The following PSMD5 variants were observed in gnomAD, a reference collection of about 807,000 sequenced individuals.
The protein encoded by PSMD5 is 26S proteasome non-ATPase regulatory subunit 5.
PSMD5 carries 40 observed loss-of-function variants against 52.1 expected under a neutral mutation model. That is an observed-to-expected ratio of 0.77 (90% CI 0.60 to 1.00). The LOEUF is 1.00. PSMD5 is among the 50% of genes least tolerant of loss of function. The pLI is 0.00. For missense variants in PSMD5, 575 were observed against 605.2 expected (o/e 0.95, Z 0.52); for synonymous variants, 211 against 226.6 (o/e 0.93, Z 0.62).
intron 6 of PSMD5, 59 bp downstream of exon 6, chr9:120,826,706 A>G (rs891500278): frequency 4.1e-5 from 63 of 1,551,776 alleles, no homozygotes; most frequent in Non-Finnish European, 4.7e-5. Flanking sequence ...CCCTGATGTC[A>G]GAGATAACTC....
At chr9:120,821,077 C>T in intron 8 of PSMD5, 98 bp from the exon 9 acceptor site, 1 of 1,319,544 alleles carries the variant, frequency 7.6e-7, no homozygotes, top group Non-Finnish European at 1.0e-6. Context: ...GGCACTCTGT[C>T]ATTAATTTGT....
In PSMD5 at chr9:120,816,632, A is replaced by G. The variant is rs2045044522; in HGVS notation, c.*1274T>C. The stretch of plus-strand genomic sequence containing the variant: ...GTTACAAAGCAGGGGTGGTTTATCA[A>G]CTTCACCACGGCCTAAAAGAAATAT... On this transcript the variant is annotated 3_prime_UTR_variant, in exon 10 of 10. Transcript: ENST00000210313. 1 of 152,216 alleles carries G rather than the reference A, an allele frequency of 6.6e-6. No individual in the cohort carries two copies. The highest frequency in any genetic ancestry group is 1.5e-5 in the Non-Finnish European group (1 of 68,038). The allele number at this position is 152,216 out of a possible 1,614,324, so 9.4% of individuals were successfully genotyped here. A position where few individuals can be genotyped will look rare whatever the true frequency, so the allele number is the denominator to read the frequency against.
rs2045059369 is a variant in PSMD5, at chr9:120,818,273, C to G, written c.1258-110G>C. On this transcript the variant is annotated intron_variant, in intron 9 of 9. Coordinates refer to ENST00000210313, the MANE Select transcript of PSMD5 (RefSeq NM_005047.4). ...GGCAACATGAACTTTAAAAATGTTACCTTTTGTCTAAGTAAATTCCTTCCT... is the reference window on the plus strand; with the variant it reads ...GGCAACATGAACTTTAAAAATGTTAGCTTTTGTCTAAGTAAATTCCTTCCT... The G allele has an allele frequency of 1.2e-5, 14 of 1,122,462 alleles. No homozygotes were observed. The South Asian group carries it at 2.8e-4, about 22-fold the overall frequency. The allele number at this position is 1,122,462 out of a possible 1,614,324, so 69.5% of individuals were successfully genotyped here.
intron 6 of PSMD5, chr9:120,826,498 ATATCT>A (rs2045122940): frequency 2.9e-6 from 1 of 342,184 alleles, no homozygotes; most frequent in South Asian, 9.2e-5. Flanking sequence ...TTAACATAGT[ATATCT>A]TATTTATTGA....
At chr9:120,824,321 G>C (rs1218063943) in intron 7 of PSMD5, 173 bp downstream of exon 7, 2 of 584,246 alleles carry the variant, frequency 3.4e-6, no homozygotes, top group South Asian at 2.3e-5. Context: ...AAAAAAAAAA[G>C]GTTTTCCGTA....
chr9:120,833,672 CTTTTTTTTTT>C lies in PSMD5; in HGVS notation c.174-226_174-217del, dbSNP rs71385094. Among the ~76,000 whole-genome samples, 109 of 85,640 alleles carry C rather than the reference CTTTTTTTTTT, an allele frequency of 1.3e-3. 1 individual carries two copies. The highest frequency in any genetic ancestry group is 3.6e-3 in the South Asian group (9 of 2,480). The allele number at this position is 85,640 out of a possible 152,430, so 56.2% of individuals were successfully genotyped here. A position where few individuals can be genotyped will look rare whatever the true frequency, so the allele number is the denominator to read the frequency against. On this transcript the variant is annotated intron_variant, in intron 1 of 9. Transcript: ENST00000210313. ...AGAATAAGATATGCACTCTAGTCTT[CTTTTTTTTTT>C]TTTTTTTTTTTTTTGAGGTGGAGTT...
At chr9:120,822,125 T>A (rs2045089769) in intron 7 of PSMD5, among the ~76,000 whole-genome samples, 2 of 152,272 alleles carry the variant, frequency 1.3e-5, no homozygotes, top group East Asian at 3.9e-4. Context: ...GGTTTTTTTT[T>A]AAAGTAATAG....
intron 4 of PSMD5, among the ~76,000 whole-genome samples, chr9:120,830,575 C>A (rs1479285871): frequency 6.6e-6 from 1 of 152,140 alleles, no homozygotes; most frequent in Non-Finnish European, 1.5e-5. Context: ...GAAGGAAAAG[C>A]AGCATAGTAT....
chr9:120,836,308 T>C (rs1406458405), intron 1 of PSMD5, among the ~76,000 whole-genome samples: 3 of 152,194 alleles, frequency 2.0e-5, no homozygotes, highest in Non-Finnish European at 4.4e-5. Flanking sequence ...GCCAATCTAA[T>C]AGTGTGCAGT....
At chr9:120,818,712 C>T (rs2045062298) in intron 9 of PSMD5, among the ~76,000 whole-genome samples, 1 of 151,116 alleles carries the variant, frequency 6.6e-6, no homozygotes, top group Non-Finnish European at 1.5e-5. Context: ...TTCTAACTGC[C>T]TCTTTTAACA....
At chr9:120,842,682 T>A (rs1588075130) in intron 1 of PSMD5, 55 bp downstream of exon 1, 1 of 1,597,770 alleles carries the variant, frequency 6.3e-7, no homozygotes. Context: ...ACCACTCTCA[T>A]GTCCATATTT....
At position 120,842,860 on chromosome 9, in the gene PSMD5, G is replaced by C. The variant is rs752326603; in HGVS notation, c.50C>G (p.Ala17Gly). The C allele has an allele frequency of 2.1e-5, 34 of 1,604,462 alleles. No homozygotes were observed. The highest frequency in any genetic ancestry group is 2.9e-5 in the Non-Finnish European group (34 of 1,178,232). ...ALLREVARLE[A>G]PLEELRALHS... Reference sequence around the variant, plus strand: ...AAGCGCGCGTAGCTCCTCCAGCGGCGCTTCCAGCCTCGCTACCTCTCTCAG... The same window carrying C: ...AAGCGCGCGTAGCTCCTCCAGCGGCCCTTCCAGCCTCGCTACCTCTCTCAG... The change falls in exon 1 of 10, where the codon GCG becomes GGG. Residue 17 changes from alanine (A) to glycine (G), a missense_variant. Coordinates refer to ENST00000210313, the MANE Select transcript of PSMD5 (RefSeq NM_005047.4).
Position 120,829,177 on chromosome 9 carries a change from T to G in PSMD5, c.593A>C (p.Glu198Ala). The G allele has an allele frequency of 6.2e-7, 1 of 1,602,856 alleles. No homozygotes were observed. Among genetic ancestry groups the G allele is most frequent in the Non-Finnish European group, 8.5e-7 (1 of 1,175,410 alleles). The change falls in exon 5 of 10, where the codon GAA becomes GCA. Residue 198 changes from glutamate (E) to alanine (A), a missense_variant. Glu to Ala is a moderately radical substitution (Grantham distance 107). Coordinates refer to ENST00000210313, the MANE Select transcript of PSMD5 (RefSeq NM_005047.4). ...LIIEISSVSP[E>A]SLNYCTTSGL... is the part of the protein sequence containing the mutation. ...ACTTGTGGTACAGTAGTTTAAAGAT[T>G]CTGGTGACACGGAAGAAATCTCTAT...
chr9:120,824,278 A>G (rs2045106372), intron 7 of PSMD5: 1 of 576,544 alleles, frequency 1.7e-6, no homozygotes, highest in African/African-American at 1.9e-5. Flanking sequence ...ACCTAAACCA[A>G]TGAAAACCTA....
intron 1 of PSMD5, among the ~76,000 whole-genome samples, chr9:120,837,238 G>A (rs1199526155): frequency 6.6e-6 from 1 of 152,172 alleles, no homozygotes; most frequent in Non-Finnish European, 1.5e-5. Context: ...TGGTCAGGCT[G>A]GTCTGAAACT....
chr9:120,833,250 T>A, intron 2 of PSMD5, 62 bp downstream of exon 2: 1 of 1,530,340 alleles, frequency 6.5e-7, no homozygotes. Flanking sequence ...CATCTTTCTG[T>A]CCCAGTGCAG....
At chr9:120,818,198 G>C (rs774611091) in intron 9 of PSMD5, 35 bp from the exon 10 acceptor site, 3 of 1,573,644 alleles carry the variant, frequency 1.9e-6, no homozygotes, top group Non-Finnish European at 2.6e-6. Context: ...CAATTCCCCT[G>C]AGTGGAAGTT....
rs774294830 is a variant in PSMD5 at position 120,826,901 on chromosome 9, G to A, written c.678C>T (p.Thr226=). 1.2e-6 allele frequency: 2 copies of A among 1,608,176 alleles called. No individual in the cohort carries two copies. Among genetic ancestry groups the A allele is most frequent in the Non-Finnish European group, 1.7e-6 (2 of 1,177,156 alleles). ...LTGEDVLVRA[T]CIEMVTSLAY... ...CCAGTGATGTCACCATTTCTATACA[G>A]GTGGCTCTAAAATGTCAGAAGGACA... Residue 226 remains threonine (T), a synonymous_variant, in exon 6 of 10, where the codon ACC becomes ACT. Coordinates refer to ENST00000210313, the MANE Select transcript of PSMD5 (RefSeq NM_005047.4).
chr9:120,822,737 G>C (rs1230691114), intron 7 of PSMD5, among the ~76,000 whole-genome samples: 2 of 151,994 alleles, frequency 1.3e-5, no homozygotes, highest in African/African-American at 4.8e-5. Flanking sequence ...ATGTTGGCCA[G>C]GCTGGTCTCG....
Sources: gnomAD v4.1 joint callset for allele counts (sites outside exome capture counted in the v4.1 genomes callset) on GRCh38, gnomAD v4.1.1 for gene constraint, MANE v1.5 for transcripts, NCBI Gene and HGNC (gene_info 2026-07-23, HGNC 2026-07-21) for gene names.